The following RAB3C variants were observed in gnomAD, a reference collection of about 807,000 sequenced individuals.
RAB3C encodes ras-related protein Rab-3C.
A neutral mutation model predicts 26.4 loss-of-function variants in RAB3C; 17 were observed. The observed-to-expected ratio is 0.64, with a 90% CI of 0.44 to 0.97. The LOEUF (loss-of-function observed/expected upper bound fraction) is 0.97. Among genes scored for constraint, RAB3C ranks in the 50% least tolerant of loss-of-function variants. The pLI is 0.00. For missense variants in RAB3C, 242 were observed against 281.9 expected, an observed-to-expected ratio of 0.86 and a Z score of 1.01; for synonymous variants, 91 against 95.9, an observed-to-expected ratio of 0.95 and a Z score of 0.30.
At position 58,631,471 on chromosome 5, in the gene RAB3C, A is replaced by G. The variant is rs116070128; in HGVS notation, c.252+13601A>G. 9.5e-3 allele frequency among the ~76,000 whole-genome samples: 1,443 copies of G among 152,338 alleles called. 8 individuals carry two copies. The highest frequency in any genetic ancestry group is 0.075 in the Middle Eastern group (22 of 294). On this transcript the variant is annotated intron_variant, in intron 2 of 4. Transcript: ENST00000282878. Reference sequence around the variant, plus strand: ...GATAGGCTAATGTCTCAAATATTTAATGGTATTTAAATTTTAAAATAGTAG... The same window carrying G: ...GATAGGCTAATGTCTCAAATATTTAGTGGTATTTAAATTTTAAAATAGTAG...
chr5:58,766,636 G>T (rs1222164877), intron 3 of RAB3C, among the ~76,000 whole-genome samples: 2 of 152,154 alleles, frequency 1.3e-5, no homozygotes, highest in Non-Finnish European at 2.9e-5. Flanking sequence ...AGAAGATGGG[G>T]TGTATTGCCA....
rs547185627 is a variant in RAB3C, at chr5:58,602,869, T to C, written c.25-14774T>C. Reference sequence around the variant, plus strand: ...GTTAGTATTGAAATATGAGGTACCATTGTATTCATCATGCAATGGTATTTT... The same window carrying C: ...GTTAGTATTGAAATATGAGGTACCACTGTATTCATCATGCAATGGTATTTT... On this transcript the variant is annotated intron_variant, in intron 1 of 4. Transcript: ENST00000282878. Among the ~76,000 whole-genome samples, 173 of 152,250 alleles carry C rather than the reference T, an allele frequency of 1.1e-3. 1 individual carries two copies. Among genetic ancestry groups the C allele is most frequent in the African/African-American group, 3.7e-3 (153 of 41,568 alleles).
intron 2 of RAB3C, among the ~76,000 whole-genome samples, chr5:58,632,953 T>G (rs778664456): frequency 1.3e-5 from 2 of 152,218 alleles, no homozygotes; most frequent in Non-Finnish European, 2.9e-5. Flanking sequence ...AGTTTTCTAT[T>G]CTAGTCTCTG....
rs2112091152 is a variant in RAB3C, at chr5:58,851,198, C to T, written c.531C>T (p.Asn177=). 1 of 1,610,816 alleles carries T rather than the reference C, an allele frequency of 6.2e-7. No homozygotes were observed. The highest frequency in any genetic ancestry group is 1.3e-5 in the African/African-American group (1 of 74,832). The part of the protein sequence containing the change: ...FEFFETSAKD[N]INVKQTFERL... ...TTTTTGAAACAAGTGCCAAGGACAA[C>T]ATTAATGTCAAGCAGACATTTGAGC... The change falls in exon 5 of 5, where the codon AAC becomes AAT. Residue 177 remains asparagine, a synonymous_variant. Transcript: ENST00000282878.
At chr5:58,717,560 G>C (rs2111907169) in intron 2 of RAB3C, among the ~76,000 whole-genome samples, 1 of 152,228 alleles carries the variant, frequency 6.6e-6, no homozygotes, top group South Asian at 2.1e-4. Context: ...CCATGACATG[G>C]AAGATTTGCT....
chr5:58,675,619 T>C (rs1279004527), intron 2 of RAB3C, among the ~76,000 whole-genome samples: 1 of 150,122 alleles, frequency 6.7e-6, no homozygotes, highest in Non-Finnish European at 1.5e-5. Flanking sequence ...ATTTGTCTTT[T>C]TTTTTTTTTT....
chr5:58,596,382 C>G (rs1051525486), intron 1 of RAB3C, among the ~76,000 whole-genome samples: 1 of 147,976 alleles, frequency 6.8e-6, no homozygotes, highest in East Asian at 2.0e-4. Context: ...CTACTTCTCT[C>G]TGTCTATAAA....
chr5:58,588,555 T>C (rs1561256938), intron 1 of RAB3C, among the ~76,000 whole-genome samples: 1 of 152,154 alleles, frequency 6.6e-6, no homozygotes, highest in Non-Finnish European at 1.5e-5. Flanking sequence ...GGGGTTTGTT[T>C]TTATTGTTTA....
At position 58,739,448 on chromosome 5, in the gene RAB3C, G is replaced by C. The variant is rs530598763; in HGVS notation, c.371+13328G>C. Among the ~76,000 whole-genome samples the C allele has an allele frequency of 5.9e-5, 9 of 152,198 alleles. No homozygotes were observed. The South Asian group carries it at 1.9e-3, about 32-fold the overall frequency. ...ATCTAGAATTTATCTTTGCAGTGCAGTTAATTAAGATAATTATCCTAGTTA... is the reference window on the plus strand; with the variant it reads ...ATCTAGAATTTATCTTTGCAGTGCACTTAATTAAGATAATTATCCTAGTTA... On this transcript the variant is annotated intron_variant, in intron 3 of 4. Coordinates refer to ENST00000282878, the MANE Select transcript of RAB3C (RefSeq NM_138453.4).
chr5:58,775,239 C>T (rs1411980082), intron 3 of RAB3C, among the ~76,000 whole-genome samples: 4 of 152,094 alleles, frequency 2.6e-5, no homozygotes, highest in African/African-American at 9.7e-5. Flanking sequence ...CCCCAGTGCT[C>T]TTCTGAAAAT....
chr5:58,827,549 C>T (rs575574813), intron 4 of RAB3C, among the ~76,000 whole-genome samples: 1 of 151,958 alleles, frequency 6.6e-6, no homozygotes, highest in South Asian at 2.1e-4. Flanking sequence ...GTGACTTTCC[C>T]ACTGCTCCAT....
chr5:58,736,867 T>A (rs1488963369), intron 3 of RAB3C, among the ~76,000 whole-genome samples: 1 of 152,168 alleles, frequency 6.6e-6, no homozygotes, highest in Non-Finnish European at 1.5e-5. Context: ...TCTACATTGT[T>A]GGAACAGCTT....
chr5:58,833,324 T>TCTCACACACACACACA lies in RAB3C; in HGVS notation c.496+8163_496+8164insTCACACACACACACAC, dbSNP rs1554021454. ...TTTAAAAACCATGGCACGGACCCCA[T>TCTCACACACACACACA]CACACACACACACACACACACACAC... is the stretch of plus-strand genomic sequence containing the variant. On this transcript the variant is annotated intron_variant, in intron 4 of 4. Coordinates refer to ENST00000282878, the MANE Select transcript of RAB3C (RefSeq NM_138453.4). 2.8e-3 allele frequency among the ~76,000 whole-genome samples: 389 copies of TCTCACACACACACACA among 141,132 alleles called. 2 individuals are homozygous for TCTCACACACACACACA. The highest frequency in any genetic ancestry group is 0.01 in the African/African-American group (385 of 38,382). 92.6% of individuals were successfully genotyped at this position (141,132 alleles called of 152,430 possible).
chr5:58,737,433 ATATATATATATATAT>A (rs1561305206), intron 3 of RAB3C, among the ~76,000 whole-genome samples: 1,322 of 98,174 alleles, frequency 0.013, 69 homozygotes, highest in African/African-American at 0.037. Context: ...ATATATATAT[ATATATATATATATAT>A]AATTTACTTG....
chr5:58,707,160 T>A (rs1748960876), intron 2 of RAB3C, among the ~76,000 whole-genome samples: 1 of 152,234 alleles, frequency 6.6e-6, no homozygotes, highest in Non-Finnish European at 1.5e-5. Flanking sequence ...AATGACAACC[T>A]GTATCTTCAC....
chr5:58,783,155 G>A (rs1245162981), intron 3 of RAB3C, among the ~76,000 whole-genome samples: 1 of 152,010 alleles, frequency 6.6e-6, no homozygotes, highest in Non-Finnish European at 1.5e-5. Context: ...TTAATTTAGT[G>A]AGAGCTCAAC....
intron 3 of RAB3C, among the ~76,000 whole-genome samples, chr5:58,733,611 C>G (rs1741071934): frequency 6.6e-6 from 1 of 152,160 alleles, no homozygotes; most frequent in East Asian, 1.9e-4. Flanking sequence ...GATCCCCCAG[C>G]AGGGTTTGAT....
At chr5:58,606,591 A>C (rs888619004) in intron 1 of RAB3C, among the ~76,000 whole-genome samples, 1 of 152,186 alleles carries the variant, frequency 6.6e-6, no homozygotes, top group African/African-American at 2.4e-5. Flanking sequence ...CTGCCTCTTC[A>C]AGTGGGTCCC....
chr5:58,690,636 G>A (rs1168517319), intron 2 of RAB3C, among the ~76,000 whole-genome samples: 1 of 152,074 alleles, frequency 6.6e-6, no homozygotes, highest in East Asian at 1.9e-4. Flanking sequence ...CTCTCCAACA[G>A]GGCAATCCAG....
Sources: gnomAD v4.1 joint callset for allele counts (sites outside exome capture counted in the v4.1 genomes callset) on GRCh38, gnomAD v4.1.1 for gene constraint, MANE v1.5 for transcripts, NCBI Gene and HGNC (gene_info 2026-07-23, HGNC 2026-07-21) for gene names.